NOTCH3: variants seen among roughly 807,000 people sequenced by gnomAD.
The protein encoded by NOTCH3 is neurogenic locus notch homolog protein 3.
In NOTCH3, 86 loss-of-function variants were observed where a neutral mutation model predicts 213.3. That is an observed-to-expected ratio of 0.40 (90% CI 0.34 to 0.48). The LOEUF (loss-of-function observed/expected upper bound fraction) is 0.48. Ranked by LOEUF, NOTCH3 falls within the 20% of genes least tolerant of loss-of-function variation. The probability of loss-of-function intolerance (pLI) is 0.57; values close to 1 mark genes in which losing one functional copy is unlikely to be tolerated. For missense variants in NOTCH3, 2,783 were observed against 3,272.6 expected (o/e 0.85, Z 3.65); for synonymous variants, 1,354 against 1,355.9 (o/e 1.00, Z 0.03).
chr19:15,167,248 C>A lies in NOTCH3; in HGVS notation c.5362+1G>T. 1 of 1,611,564 alleles carries A rather than the reference C, an allele frequency of 6.2e-7. No homozygotes were observed. The highest frequency in any genetic ancestry group is 8.5e-7 in the Non-Finnish European group (1 of 1,178,152). ...CCTTTGGGAGGGGCACTGTCACTAACCTGGGCCACGCACATTGACATCCAT... is the reference window on the plus strand; with the variant it reads ...CCTTTGGGAGGGGCACTGTCACTAAACTGGGCCACGCACATTGACATCCAT... On this transcript the variant is annotated splice_donor_variant, in intron 29 of 32. Coordinates refer to ENST00000263388, the MANE Select transcript of NOTCH3 (RefSeq NM_000435.3). LOFTEE classifies it high-confidence loss of function.
In NOTCH3 at chr19:15,161,253, C is replaced by T. The variant is rs1314321449; in HGVS notation, c.6375G>A (p.Gly2125=). 1 of 1,547,558 alleles carries T rather than the reference C, an allele frequency of 6.5e-7. No individual in the cohort carries two copies. ...CAGTGGCAGTGGCAGCTGCATAGGG[C>T]CCCTCAAGGGGGAAGCCACCAGGGG... The part of the protein sequence containing the change: ...PASPGGFPLE[G]PYAAATATAV... Residue 2125 remains glycine, a synonymous_variant, in exon 33 of 33, where the codon GGG becomes GGA. Transcript: ENST00000263388.
In NOTCH3 at chr19:15,179,051, C is replaced by T. The variant is rs778176344; in HGVS notation, c.3692G>A (p.Arg1231His). The T allele has an allele frequency of 5.6e-5, 90 of 1,614,220 alleles. No individual in the cohort carries two copies. In the Admixed American group the frequency reaches 1.4e-3, roughly 26 times the overall value. The change falls in exon 22 of 33, where the codon CGT becomes CAT. Residue 1231 changes from arginine (R) to histidine (H), a missense_variant. Arg to His is a conservative substitution (Grantham distance 29, BLOSUM62 0). Around this residue, in one of 6 missense-constraint regions of NOTCH3, gnomAD observed 861 missense variants for 909.1 expected, o/e 0.95. Coordinates refer to ENST00000263388, the MANE Select transcript of NOTCH3 (RefSeq NM_000435.3). ...TGAGAAGCCAGCATGACAAAGGCAA[C>T]GGAAACCTCCGCCTGGGTCCTGCAG... Reference protein sequence around the residue: ...DCLQDPGGGFRCLCHAGFSGP... With the variant: ...DCLQDPGGGFHCLCHAGFSGP...
chr19:15,185,282 G>A lies in NOTCH3; in HGVS notation c.2271C>T (p.His757=). Residue 757 remains histidine (H), a synonymous_variant, in exon 14 of 33, where the codon CAC becomes CAT. Transcript: ENST00000263388. The surrounding 1 kb of genome is among the most constrained non-coding windows in gnomAD (Gnocchi z 4.2). ...CCTGGACACCAGGCGGGCAGGTGCAGTGGAAACCCATTCCATCGCTGCTGC... is the reference window on the plus strand; with the variant it reads ...CCTGGACACCAGGCGGGCAGGTGCAATGGAAACCCATTCCATCGCTGCTGC... ...GTCSSDGMGF[H]CTCPPGVQGR... 1.2e-6 allele frequency: 2 copies of A among 1,613,236 alleles called. No homozygotes were observed. Among genetic ancestry groups the A allele is most frequent in the South Asian group, 1.1e-5 (1 of 91,086 alleles).
chr19:15,169,777 G>A (rs2046715495), intron 28 of NOTCH3, among the ~76,000 whole-genome samples: 1 of 152,180 alleles, frequency 6.6e-6, no homozygotes, highest in Admixed American at 6.5e-5. Context: ...GGGCTGGGGG[G>A]ACACCTCCAG....
At chr19:15,198,779 C>T (rs191941724) in intron 1 of NOTCH3, among the ~76,000 whole-genome samples, 18 of 152,084 alleles carry the variant, frequency 1.2e-4, no homozygotes, top group East Asian at 3.9e-4. Context: ...GGTGTGGTGG[C>T]GCACGCCTGT....
rs2046751632 is a variant in NOTCH3 at position 15,173,095 on chromosome 19, CT to C, written c.4736+972del. ...TCTTCTTCTTCTTCTTCTTCTTCTT[CT>C]TCTTCTTCTTTTTTTTTTTTTTTTT... On this transcript the variant is annotated intron_variant, in intron 25 of 32. Coordinates refer to ENST00000263388, the MANE Select transcript of NOTCH3 (RefSeq NM_000435.3). 6.8e-5 allele frequency among the ~76,000 whole-genome samples: 3 copies of C among 44,430 alleles called. 1 individual carries two copies. Among genetic ancestry groups the C allele is most frequent in the African/African-American group, 2.4e-4 (1 of 4,140 alleles). 29.1% of individuals were successfully genotyped at this position (44,430 alleles called of 152,430 possible).
At chr19:15,166,679 T>C (rs2046688655) in intron 29 of NOTCH3, among the ~76,000 whole-genome samples, 2 of 152,074 alleles carry the variant, frequency 1.3e-5, no homozygotes, top group African/African-American at 4.8e-5. Flanking sequence ...TCTAAGAGGA[T>C]CAAACAACAT....
intron 32 of NOTCH3, among the ~76,000 whole-genome samples, chr19:15,162,039 T>A (rs1207862824): frequency 7.0e-6 from 1 of 142,278 alleles, no homozygotes; most frequent in East Asian, 2.1e-4. Context: ...TGGAGTGCAG[T>A]GGCGCCATTT....
At chr19:15,174,731 G>C (rs7408855) in intron 24 of NOTCH3, among the ~76,000 whole-genome samples, 1 of 151,900 alleles carries the variant, frequency 6.6e-6, no homozygotes, top group African/African-American at 2.4e-5. Context: ...GCACCACCAC[G>C]CCCGTCTAAT....
chr19:15,170,354 C>T lies in NOTCH3; in HGVS notation c.5091G>A (p.Val1697=). The T allele has an allele frequency of 6.2e-7, 1 of 1,613,528 alleles. No homozygotes were observed. Among genetic ancestry groups the T allele is most frequent in the Non-Finnish European group, 8.5e-7 (1 of 1,179,926 alleles). The change falls in exon 27 of 33, where the codon GTG becomes GTA. Residue 1697 remains valine (V), a synonymous_variant. Coordinates refer to ENST00000263388, the MANE Select transcript of NOTCH3 (RefSeq NM_000435.3). ...ACTTCATGCCCAGCGCGTCCTGGCC[C>T]ACGGGTTCCCGCCGGCCCTTGTGAC... ...ASGHKGRREP[V]GQDALGMKNM... is the part of the protein sequence containing the mutation.
In NOTCH3 at chr19:15,161,215, G is replaced by T; in HGVS notation, c.6413C>A (p.Ala2138Glu). Residue 2138 changes from alanine (A) to glutamate (E), a missense_variant, in exon 33 of 33, where the codon GCA becomes GAA. By Grantham distance (107) the Ala-to-Glu change is moderately radical. Around this residue, in one of 6 missense-constraint regions of NOTCH3, gnomAD observed 441 missense variants for 432.1 expected, o/e 1.02. Coordinates refer to ENST00000263388, the MANE Select transcript of NOTCH3 (RefSeq NM_000435.3). The stretch of plus-strand genomic sequence containing the variant: ...CGCCCGGCCTGGGCCACCAAGCTGT[G>T]CCAGAGACACTGCAGTGGCAGTGGC... The part of the protein sequence containing the change: ...AAATATAVSL[A>E]QLGGPGRAGL... The T allele has an allele frequency of 6.5e-7, 1 of 1,545,752 alleles. No homozygotes were observed. Among genetic ancestry groups the T allele is most frequent in the Non-Finnish European group, 8.7e-7 (1 of 1,151,182 alleles).
intron 24 of NOTCH3, among the ~76,000 whole-genome samples, chr19:15,176,320 C>T (rs2046789641): frequency 6.6e-6 from 1 of 151,986 alleles, no homozygotes; most frequent in Non-Finnish European, 1.5e-5. Flanking sequence ...AGCCATGTGC[C>T]ACCACACCCG....
chr19:15,192,685 C>T (rs530549210), intron 2 of NOTCH3, among the ~76,000 whole-genome samples, 166 bp from the exon 3 acceptor site: 22 of 152,296 alleles, frequency 1.4e-4, no homozygotes, highest in Non-Finnish European at 2.4e-4. Flanking sequence ...GAGGCTGCGG[C>T]GGGCAGATCA....
chr19:15,186,887 C>T lies in NOTCH3; in HGVS notation c.1942G>A (p.Gly648Ser), dbSNP rs2046885843. ...GCAGCCACTTGCCCACCTGTGAAGCCAGGTTGGCAGACACAGTCGTAGCGG... is the reference window on the plus strand; with the variant it reads ...GCAGCCACTTGCCCACCTGTGAAGCTAGGTTGGCAGACACAGTCGTAGCGG... ...INRYDCVCQP[G>S]FTGPLCNVEI... Residue 648 changes from glycine to serine, a missense_variant, in exon 12 of 33, where the codon GGC (glycine) becomes AGC (serine). By Grantham distance (56) the Gly-to-Ser change is moderately conservative. Transcript: ENST00000263388. 1 of 1,614,136 alleles carries T rather than the reference C, an allele frequency of 6.2e-7. No homozygotes were observed. Among genetic ancestry groups the T allele is most frequent in the African/African-American group, 1.3e-5 (1 of 75,044 alleles).
intron 28 of NOTCH3, 27 bp from the exon 29 acceptor site, chr19:15,167,438 A>G (rs2046695449): frequency 6.3e-7 from 1 of 1,597,182 alleles, no homozygotes; most frequent in African/African-American, 1.3e-5. Flanking sequence ...CCTGGATCTC[A>G]GATCTCACCC....
chr19:15,176,115 C>T (rs2046788095), intron 24 of NOTCH3, among the ~76,000 whole-genome samples: 1 of 149,034 alleles, frequency 6.7e-6, no homozygotes, highest in Admixed American at 6.8e-5. Context: ...GATGGACAAA[C>T]AGGAGTGGAG....
rs1417106543 is a variant in NOTCH3, at chr19:15,173,726, AAAAAAAAAAAAAAAAG to A, written c.4736+326_4736+341del. On this transcript the variant is annotated intron_variant, in intron 25 of 32. Transcript: ENST00000263388. ...CCTGGGCGACAGAGACTCCGTCTCA[AAAAAAAAAAAAAAAAG>A]AAAAGAAGAAGGAGAAGGAGAAGGA... is the stretch of plus-strand genomic sequence containing the variant. 6.8e-3 allele frequency among the ~76,000 whole-genome samples: 41 copies of A among 6,026 alleles called. 1 individual carries two copies. Among genetic ancestry groups the A allele is most frequent in the African/African-American group, 0.011 (10 of 890 alleles). 4.0% of individuals were successfully genotyped at this position (6,026 alleles called of 152,430 possible). A position where few individuals can be genotyped will look rare whatever the true frequency, so the allele number is the denominator to read the frequency against.
rs866442867 is a variant in NOTCH3, at chr19:15,193,792, A to C, written c.198-1273T>G. Among the ~76,000 whole-genome samples, 1,234 of 138,288 alleles carry C rather than the reference A, an allele frequency of 8.9e-3. 77 individuals carry two copies. The highest frequency in any genetic ancestry group is 0.03 in the African/African-American group (1,131 of 37,772). The allele number at this position is 138,288 out of a possible 152,430, so 90.7% of individuals were successfully genotyped here. On this transcript the variant is annotated intron_variant, in intron 2 of 32. Coordinates refer to ENST00000263388, the MANE Select transcript of NOTCH3 (RefSeq NM_000435.3). ...TCTCAAAAAAAAACAAAAAACAAAA[A>C]AAACAAACAGGCCAGGCGCAGTGGC... is the stretch of plus-strand genomic sequence containing the variant.
intron 11 of NOTCH3, 56 bp downstream of exon 11, chr19:15,187,049 C>T: frequency 6.2e-7 from 1 of 1,606,718 alleles, no homozygotes; most frequent in Non-Finnish European, 8.5e-7. Flanking sequence ...TGCACCATTC[C>T]CAAACCCTCT....
Sources: allele counts gnomAD v4.1 joint callset (sites outside exome capture counted in the v4.1 genomes callset), GRCh38; gene constraint gnomAD v4.1.1; regional missense constraint gnomAD v4.1.1; non-coding constraint Gnocchi (gnomAD v3.1); transcripts MANE v1.5; gene names NCBI Gene and HGNC (gene_info 2026-07-23, HGNC 2026-07-21).